Variants in BCKDHB observed in about 807,000 individuals in gnomAD.
The protein encoded by BCKDHB is branched chain keto acid dehydrogenase E1 subunit beta, also known as 2-oxoisovalerate dehydrogenase subunit beta, mitochondrial.
BCKDHB carries 41 observed loss-of-function variants against 48.5 expected under a neutral mutation model. The observed-to-expected ratio is 0.85, with a 90% confidence interval of 0.66 to 1.10. BCKDHB has a LOEUF of 1.10. Among genes scored for constraint, BCKDHB ranks in the 50% least tolerant of loss-of-function variants. The pLI is 0.00. For missense variants in BCKDHB, 496 were observed against 494.2 expected (o/e 1.00, Z -0.03); for synonymous variants, 201 against 174.8 (o/e 1.15, Z -1.18).
chr6:80,214,147 C>A (rs1156576929), intron 8 of BCKDHB, among the ~76,000 whole-genome samples: 1 of 151,540 alleles, frequency 6.6e-6, no homozygotes, highest in Non-Finnish European at 1.5e-5. Context: ...AGGTCTTCAG[C>A]AAAAAAGGAA....
At chr6:80,318,727 T>A (rs1186425856) in intron 9 of BCKDHB, among the ~76,000 whole-genome samples, 6 of 150,028 alleles carry the variant, frequency 4.0e-5, no homozygotes, top group Non-Finnish European at 7.4e-5. Flanking sequence ...GAAAAAAAAA[T>A]TGTACTGAAC....
chr6:80,131,933 G>A (rs1007192531), intron 3 of BCKDHB, among the ~76,000 whole-genome samples: 7 of 152,210 alleles, frequency 4.6e-5, no homozygotes, highest in African/African-American at 1.2e-4. Context: ...GAGCCACTGC[G>A]CCTGGCTACC....
intron 9 of BCKDHB, among the ~76,000 whole-genome samples, chr6:80,314,745 T>C (rs1359449389): frequency 6.6e-6 from 1 of 152,192 alleles, no homozygotes; most frequent in African/African-American, 2.4e-5. Context: ...CAAGGCACTC[T>C]GTCCGAGGGA....
At chr6:80,254,644 G>A (rs1234272505) in intron 8 of BCKDHB, among the ~76,000 whole-genome samples, 1 of 152,136 alleles carries the variant, frequency 6.6e-6, no homozygotes, top group Non-Finnish European at 1.5e-5. Context: ...AGGTTACAAT[G>A]AGCTGTGTTC....
chr6:80,289,302 T>C (rs1766791749), intron 9 of BCKDHB, among the ~76,000 whole-genome samples: 2 of 152,100 alleles, frequency 1.3e-5, no homozygotes, highest in Non-Finnish European at 2.9e-5. Flanking sequence ...ACATAGTACA[T>C]TGTTGAACTT....
At chr6:80,124,390 C>T (rs1040451858) in intron 1 of BCKDHB, among the ~76,000 whole-genome samples, 1 of 152,162 alleles carries the variant, frequency 6.6e-6, no homozygotes, top group African/African-American at 2.4e-5. Flanking sequence ...GTGGAGAGTT[C>T]TGTAGATGTC....
At chr6:80,135,146 G>A (rs2127734724) in intron 3 of BCKDHB, among the ~76,000 whole-genome samples, 1 of 152,176 alleles carries the variant, frequency 6.6e-6, no homozygotes, top group Admixed American at 6.6e-5. Flanking sequence ...GTCTTTAACA[G>A]AGAAAGTGAT....
chr6:80,383,652 CTT>C, the BCKDHB span, among the ~76,000 whole-genome samples: 50 of 151,764 alleles, frequency 3.3e-4, no homozygotes, highest in Admixed American at 1.3e-3. Context: ...TATCCAATCT[CTT>C]GTCTCTTTAG....
At chr6:80,194,157 C>G (rs1774030384) in intron 6 of BCKDHB, among the ~76,000 whole-genome samples, 1 of 152,176 alleles carries the variant, frequency 6.6e-6, no homozygotes. Flanking sequence ...TGTTATATCA[C>G]AACTTATTTT....
At chr6:80,376,559 G>A in the BCKDHB span, among the ~76,000 whole-genome samples, 1 of 152,190 alleles carries the variant, frequency 6.6e-6, no homozygotes, top group Non-Finnish European at 1.5e-5. Context: ...GTATGTTCTT[G>A]TGGTAGTTCT....
At chr6:80,417,051 A>T in the BCKDHB span, among the ~76,000 whole-genome samples, 5 of 152,112 alleles carry the variant, frequency 3.3e-5, no homozygotes, top group Non-Finnish European at 4.4e-5. Context: ...TTGGGTGCAT[A>T]TATATTTAAG....
At chr6:80,382,751 G>A in the BCKDHB span, among the ~76,000 whole-genome samples, 1 of 151,948 alleles carries the variant, frequency 6.6e-6, no homozygotes, top group Non-Finnish European at 1.5e-5. Flanking sequence ...AAGAACCAAT[G>A]TGCCAATAAA....
At chr6:80,259,811 G>C (rs763516140) in intron 8 of BCKDHB, among the ~76,000 whole-genome samples, 3 of 152,142 alleles carry the variant, frequency 2.0e-5, no homozygotes, top group Non-Finnish European at 4.4e-5. Flanking sequence ...ACCCAATTCT[G>C]AATTTTATTT....
intron 3 of BCKDHB, among the ~76,000 whole-genome samples, chr6:80,138,099 C>T (rs971285551): frequency 2.4e-4 from 37 of 151,704 alleles, no homozygotes; most frequent in Non-Finnish European, 4.6e-4. Flanking sequence ...AATAGTGCAG[C>T]AAGGCTGAGA....
At chr6:80,340,918 A>G (rs1197242823) in intron 9 of BCKDHB, among the ~76,000 whole-genome samples, 5 of 152,210 alleles carry the variant, frequency 3.3e-5, no homozygotes, top group African/African-American at 1.2e-4. Context: ...AATTATTTAT[A>G]TGTGAACCAA....
intron 4 of BCKDHB, 65 bp from the exon 5 acceptor site, chr6:80,168,810 A>T: frequency 1.4e-6 from 1 of 700,250 alleles, no homozygotes; most frequent in Non-Finnish European, 2.0e-6. Flanking sequence ...AGGGAGGAAG[A>T]ACGGAAGGAG....
the BCKDHB span, among the ~76,000 whole-genome samples, chr6:80,408,884 C>G: frequency 6.7e-6 from 1 of 149,764 alleles, no homozygotes; most frequent in African/African-American, 2.5e-5. Flanking sequence ...CAGTGCTGCT[C>G]TGATCTTAGT....
chr6:80,170,153 T>C (rs1240054346), intron 5 of BCKDHB, among the ~76,000 whole-genome samples: 1 of 152,128 alleles, frequency 6.6e-6, no homozygotes, highest in Non-Finnish European at 1.5e-5. Flanking sequence ...AAAGACATTG[T>C]GTGATATGGT....
chr6:80,433,623 C>T, the BCKDHB span, among the ~76,000 whole-genome samples: 1 of 152,216 alleles, frequency 6.6e-6, no homozygotes, highest in East Asian at 1.9e-4. Flanking sequence ...CCCATTGAAC[C>T]AGACTACTCG....
Sources: gnomAD v4.1 joint callset for allele counts (sites outside exome capture counted in the v4.1 genomes callset) on GRCh38, gnomAD v4.1.1 for gene constraint, MANE v1.5 for transcripts, NCBI Gene and HGNC (gene_info 2026-07-23, HGNC 2026-07-21) for gene names.